MS4A18: variants seen among roughly 807,000 people sequenced by gnomAD.
MS4A18 encodes membrane spanning 4-domains A18.
MS4A18 carries 27 observed loss-of-function variants against 13.1 expected under a neutral mutation model. The ratio of observed to expected loss-of-function variants is 2.06; its 90% CI spans 1.52 to 2.84. The LOEUF is 2.84. MS4A18 is among the 30% of genes most tolerant of loss of function. MS4A18 has a pLI of 0.00. For missense variants in MS4A18, 307 were observed against 196.4 expected (o/e 1.56, Z -3.37); for synonymous variants, 126 against 76.5 (o/e 1.65, Z -3.38).
intron 4 of MS4A18, among the ~76,000 whole-genome samples, chr11:60,740,698 C>T (rs1853401937): frequency 6.6e-6 from 1 of 152,164 alleles, no homozygotes; most frequent in Non-Finnish European, 1.5e-5. Flanking sequence ...TATTTATACA[C>T]CAGCCCCTGA....
In MS4A18 at chr11:60,731,019, G is replaced by C. The variant is rs1278865801; in HGVS notation, c.477+1227G>C. ...TGAGGCAGGAGAATGGCGTGAACCC[G>C]GGAGGCAGAGCTTGCAGTGAGCCGA... On this transcript the variant is annotated intron_variant, in intron 1 of 5. Transcript: ENST00000529108. 2.6e-5 allele frequency among the ~76,000 whole-genome samples: 4 copies of C among 152,058 alleles called. No homozygotes were observed. The East Asian group carries it at 5.8e-4, about 22-fold the overall frequency.
chr11:60,742,929 C>A (rs962013819), intron 5 of MS4A18, among the ~76,000 whole-genome samples: 2 of 152,168 alleles, frequency 1.3e-5, no homozygotes, highest in African/African-American at 4.8e-5. Flanking sequence ...TTCTGAAGTA[C>A]AACAGCACTC....
At chr11:60,744,103 C>A in exon 6 of MS4A18, 1 of 616,520 alleles carries the variant, frequency 1.6e-6, no homozygotes, top group Non-Finnish European at 2.9e-6. Flanking sequence ...ATGACCCTAG[C>A]CTTGTTGCCA....
chr11:60,729,642 A>G (rs1251513334), exon 1 of MS4A18: 1 of 702,800 alleles, frequency 1.4e-6, no homozygotes, highest in South Asian at 1.5e-5. Context: ...ATCTCCAGAC[A>G]TGGCCTGGAG....
exon 6 of MS4A18, chr11:60,744,196 TA>T (rs2134684117): frequency 3.5e-6 from 2 of 565,968 alleles, no homozygotes; most frequent in South Asian, 4.6e-5. Context: ...TTTTCATTCA[TA>T]AATAATTTTC....
At chr11:60,743,721 C>G (rs1315719203) in exon 6 of MS4A18, 1 of 703,022 alleles carries the variant, frequency 1.4e-6, no homozygotes, top group Non-Finnish European at 2.6e-6. Flanking sequence ...TCAATGCTAC[C>G]ACTGGTCCTG....
intron 2 of MS4A18, among the ~76,000 whole-genome samples, chr11:60,734,260 GA>G (rs528409560): frequency 6.7e-6 from 1 of 149,902 alleles, no homozygotes; most frequent in Non-Finnish European, 1.5e-5. Flanking sequence ...TGTCTCAAAG[GA>G]AAAAAAAAGA....
chr11:60,743,093 C>G (rs1393342440), intron 5 of MS4A18, among the ~76,000 whole-genome samples: 1 of 152,248 alleles, frequency 6.6e-6, no homozygotes, highest in Non-Finnish European at 1.5e-5. Context: ...CACCTAGTCC[C>G]AAACCCAATG....
At chr11:60,732,006 A>T (rs1357877213) in intron 1 of MS4A18, among the ~76,000 whole-genome samples, 3 of 151,984 alleles carry the variant, frequency 2.0e-5, no homozygotes, top group African/African-American at 7.3e-5. Context: ...TTAGGAAGGG[A>T]TGTTCATGTG....
chr11:60,728,176 G>A (rs894896960), upstream of MS4A18, among the ~76,000 whole-genome samples: 3 of 152,234 alleles, frequency 2.0e-5, no homozygotes, highest in Non-Finnish European at 4.4e-5. Flanking sequence ...CCTCCTGGAT[G>A]TCAAGGGCAC....
intron 2 of MS4A18, among the ~76,000 whole-genome samples, chr11:60,736,051 A>T (rs1468455468): frequency 1.3e-5 from 2 of 152,070 alleles, no homozygotes; most frequent in Non-Finnish European, 2.9e-5. Context: ...ACGCATATAC[A>T]TGGAATAATC....
chr11:60,738,015 T>TA (rs1400306201), intron 3 of MS4A18, among the ~76,000 whole-genome samples: 1 of 152,228 alleles, frequency 6.6e-6, no homozygotes, highest in African/African-American at 2.4e-5. Context: ...ATGCTCTCCC[T>TA]AAGGTGACTG....
intron 5 of MS4A18, among the ~76,000 whole-genome samples, chr11:60,742,710 A>C (rs939051479): frequency 2.0e-5 from 3 of 152,240 alleles, no homozygotes; most frequent in Admixed American, 2.0e-4. Context: ...CTTGGAAATT[A>C]GAGACAATCT....
chr11:60,740,974 TC>T, intron 4 of MS4A18, 55 bp from the exon 6 acceptor site: 1 of 702,286 alleles, frequency 1.4e-6, no homozygotes. Context: ...ATGTGGACTG[TC>T]ACCTAGGCCA....
chr11:60,743,017 C>T (rs1853430952), intron 5 of MS4A18, among the ~76,000 whole-genome samples: 1 of 152,234 alleles, frequency 6.6e-6, no homozygotes, highest in African/African-American at 2.4e-5. Context: ...ATTCCTTCAG[C>T]AGTGAGATCA....
At chr11:60,727,531 A>G (rs1853184305), upstream of MS4A18, among the ~76,000 whole-genome samples, 1 of 152,206 alleles carries the variant, frequency 6.6e-6, no homozygotes, top group Non-Finnish European at 1.5e-5. Context: ...CAAAATGTCC[A>G]TTGACAATTT....
intron 2 of MS4A18, among the ~76,000 whole-genome samples, 163 bp from the exon 4 acceptor site, chr11:60,736,815 T>C (rs1285487712): frequency 6.6e-6 from 1 of 152,192 alleles, no homozygotes; most frequent in Non-Finnish European, 1.5e-5. Context: ...GCCTAACCAT[T>C]GGGATAGTAA....
intron 5 of MS4A18, among the ~76,000 whole-genome samples, chr11:60,741,534 C>T (rs1045622137): frequency 2.0e-5 from 3 of 152,136 alleles, no homozygotes; most frequent in African/African-American, 7.2e-5. Flanking sequence ...ACACAGCAAG[C>T]TCCCACAGGC....
chr11:60,743,898 C>T (rs1197322138), exon 6 of MS4A18: 14 of 702,990 alleles, frequency 2.0e-5, no homozygotes, highest in South Asian at 8.9e-5. Flanking sequence ...CAACTGGCCC[C>T]GTTAACACTA....
Sources: gnomAD v4.1 joint callset for allele counts (sites outside exome capture counted in the v4.1 genomes callset) on GRCh38, gnomAD v4.1.1 for gene constraint, MANE v1.5 for transcripts, NCBI Gene and HGNC (gene_info 2026-07-23, HGNC 2026-07-21) for gene names.